RABGAP1L: variants seen among roughly 807,000 people sequenced by gnomAD.
RABGAP1L encodes the protein RAB GTPase activating protein 1 like.
Under a neutral mutation model 137.7 loss-of-function variants are expected in RABGAP1L, and 63 were observed. The observed-to-expected ratio is 0.46, with a 90% confidence interval of 0.37 to 0.56. The LOEUF is 0.56. Among genes scored for constraint, RABGAP1L ranks in the 20% least tolerant of loss-of-function variants. RABGAP1L has a pLI of 0.00. For synonymous variants in RABGAP1L, 431 were observed against 433.7 expected (o/e 0.99, Z 0.08); for missense variants, 1,095 against 1,244.0 (o/e 0.88, Z 1.80).
At chr1:174,817,859 T>G (rs1044072779) in intron 19 of RABGAP1L, among the ~76,000 whole-genome samples, 2 of 152,064 alleles carry the variant, frequency 1.3e-5, no homozygotes, top group African/African-American at 4.8e-5. Flanking sequence ...AGACATAAAA[T>G]TAACAGATTT....
At chr1:174,980,242 G>A (rs987127145) in intron 23 of RABGAP1L, among the ~76,000 whole-genome samples, 6 of 151,902 alleles carry the variant, frequency 3.9e-5, no homozygotes, top group South Asian at 4.2e-4. Flanking sequence ...TAAGGAATCC[G>A]CATATTCACG....
intron 1 of RABGAP1L, among the ~76,000 whole-genome samples, chr1:174,185,303 T>C (rs1292075983): frequency 6.6e-6 from 1 of 152,192 alleles, no homozygotes; most frequent in East Asian, 1.9e-4. Flanking sequence ...AGCAAGTAAA[T>C]ATACCAACTG....
intron 17 of RABGAP1L, among the ~76,000 whole-genome samples, chr1:174,728,162 A>G (rs1428378780): frequency 6.6e-6 from 1 of 152,228 alleles, no homozygotes; most frequent in Non-Finnish European, 1.5e-5. Flanking sequence ...AAATTCAACT[A>G]CAACTTTTAT....
At chr1:174,799,753 C>T in intron 18 of RABGAP1L, 2 of 772,758 alleles carry the variant, frequency 2.6e-6, no homozygotes, top group Non-Finnish European at 3.1e-6. Context: ...TGATTCACAG[C>T]GAGAGGCAGC....
intron 6 of RABGAP1L, among the ~76,000 whole-genome samples, chr1:174,251,961 A>G (rs888749354): frequency 2.6e-5 from 4 of 151,518 alleles, no homozygotes; most frequent in Non-Finnish European, 4.4e-5. Flanking sequence ...CAGCAGTGCA[A>G]TCTTGGCTCA....
At chr1:174,343,227 G>T (rs1682138828) in intron 11 of RABGAP1L, among the ~76,000 whole-genome samples, 3 of 152,044 alleles carry the variant, frequency 2.0e-5, no homozygotes, top group Non-Finnish European at 2.9e-5. Flanking sequence ...TCTTTTGAGG[G>T]TCCTATAATC....
At chr1:174,483,993 A>G (rs1043366291) in intron 13 of RABGAP1L, among the ~76,000 whole-genome samples, 2 of 152,152 alleles carry the variant, frequency 1.3e-5, no homozygotes, top group African/African-American at 4.8e-5. Flanking sequence ...ACTGTTCTCC[A>G]TAGTGGTTGT....
chr1:174,528,888 C>G (rs961542600), intron 13 of RABGAP1L, among the ~76,000 whole-genome samples: 1 of 150,484 alleles, frequency 6.6e-6, no homozygotes, highest in Admixed American at 6.6e-5. Context: ...TTCACTCATT[C>G]TTTTTTATTC....
intron 4 of RABGAP1L, among the ~76,000 whole-genome samples, chr1:174,234,991 T>G (rs1340040741): frequency 2.5e-5 from 3 of 121,834 alleles, no homozygotes; most frequent in Non-Finnish European, 5.0e-5. Flanking sequence ...ACATCCCTTG[T>G]AAGTTGGATT....
intron 16 of RABGAP1L, among the ~76,000 whole-genome samples, chr1:174,700,057 C>T (rs1223369255): frequency 1.3e-5 from 2 of 152,132 alleles, no homozygotes; most frequent in Non-Finnish European, 2.9e-5. Context: ...GAAAGATATT[C>T]ATAAGAGAAT....
intron 11 of RABGAP1L, among the ~76,000 whole-genome samples, chr1:174,331,034 G>A (rs1680984444): frequency 6.6e-6 from 1 of 152,092 alleles, no homozygotes. Flanking sequence ...AATAAATTCA[G>A]GCATTTACAG....
At chr1:174,923,766 A>G (rs1234325541) in intron 19 of RABGAP1L, among the ~76,000 whole-genome samples, 1 of 151,800 alleles carries the variant, frequency 6.6e-6, no homozygotes, top group Non-Finnish European at 1.5e-5. Flanking sequence ...CTGTAATCCC[A>G]GCTACTTGGG....
rs1424922636 is a variant in RABGAP1L at position 174,595,890 on chromosome 1, G to C, written c.1711-41485G>C. 3.7e-5 allele frequency among the ~76,000 whole-genome samples: 4 copies of C among 107,222 alleles called. 1 individual carries two copies. Among genetic ancestry groups the C allele is most frequent in the Non-Finnish European group, 7.2e-5 (4 of 55,930 alleles). 70.3% of individuals were successfully genotyped at this position (107,222 alleles called of 152,430 possible). On this transcript the variant is annotated intron_variant, in intron 13 of 25. Transcript: ENST00000681986. ...AGCTGTGGTGGGCTCCACCCAGTTC[G>C]AGCTTCCCTGCTGCTTTGTTTACCT...
At chr1:174,764,420 G>A (rs566877226) in intron 18 of RABGAP1L, among the ~76,000 whole-genome samples, 2 of 152,208 alleles carry the variant, frequency 1.3e-5, no homozygotes, top group South Asian at 4.2e-4. Flanking sequence ...TACATCCCCC[G>A]TGGCAACGTA....
At chr1:174,572,335 T>C (rs1668043685) in intron 13 of RABGAP1L, among the ~76,000 whole-genome samples, 1 of 152,214 alleles carries the variant, frequency 6.6e-6, no homozygotes, top group Admixed American at 6.5e-5. Context: ...CCTGTTTTCT[T>C]GTTAACATCT....
At chr1:174,764,505 C>T (rs1685503548) in intron 18 of RABGAP1L, among the ~76,000 whole-genome samples, 2 of 152,186 alleles carry the variant, frequency 1.3e-5, no homozygotes, top group Non-Finnish European at 2.9e-5. Context: ...ATCAGGAAGG[C>T]CTCCAGTCAC....
intron 19 of RABGAP1L, among the ~76,000 whole-genome samples, chr1:174,858,540 C>A (rs1255556605): frequency 6.6e-6 from 1 of 152,144 alleles, no homozygotes; most frequent in Non-Finnish European, 1.5e-5. Flanking sequence ...ACTAATAGTG[C>A]CAAGATTGAA....
At chr1:174,821,096 G>T (rs547241065) in intron 19 of RABGAP1L, among the ~76,000 whole-genome samples, 3 of 151,654 alleles carry the variant, frequency 2.0e-5, no homozygotes, top group Non-Finnish European at 4.4e-5. Context: ...TACTATTTTG[G>T]CATTCATGGC....
At chr1:174,794,712 C>A (rs1447732046) in intron 18 of RABGAP1L, among the ~76,000 whole-genome samples, 1 of 152,148 alleles carries the variant, frequency 6.6e-6, no homozygotes, top group Non-Finnish European at 1.5e-5. Flanking sequence ...TTGTCTGCAT[C>A]TACTGTGGAC....
Sources: gnomAD v4.1 joint callset for allele counts (sites outside exome capture counted in the v4.1 genomes callset) on GRCh38, gnomAD v4.1.1 for gene constraint, MANE v1.5 for transcripts, NCBI Gene and HGNC (gene_info 2026-07-23, HGNC 2026-07-21) for gene names.